The following KPNA4 variants were observed in gnomAD, a reference collection of about 807,000 sequenced individuals.
The protein encoded by KPNA4 is karyopherin subunit alpha 4.
In KPNA4, 13 loss-of-function variants were observed where a neutral mutation model predicts 71.3. That is an observed-to-expected ratio of 0.18 (90% confidence interval 0.12 to 0.29). KPNA4 has a LOEUF of 0.29. Ranked by LOEUF, KPNA4 falls within the 10% of genes least tolerant of loss-of-function variation. The pLI is 1.00. For synonymous variants in KPNA4, 189 were observed against 195.2 expected (o/e 0.97, Z 0.26); for missense variants, 334 against 603.2 (o/e 0.55, Z 4.67).
intron 1 of KPNA4, among the ~76,000 whole-genome samples, chr3:160,546,476 A>ACGCTG (rs1238536146): frequency 6.6e-6 from 1 of 152,106 alleles, no homozygotes; most frequent in African/African-American, 2.4e-5. Flanking sequence ...CGAGATCGCA[A>ACGCTG]CACTGCACTC....
Position 160,495,441 on chromosome 3 carries a change from T to C in KPNA4, c.*6663A>G, listed in dbSNP as rs2108538963. Reference sequence around the variant, plus strand: ...GGGTAAAAACTTTTTAGTATTCTTTTAGTACTTCTGTTTCTGAATTAGACC... The same window carrying C: ...GGGTAAAAACTTTTTAGTATTCTTTCAGTACTTCTGTTTCTGAATTAGACC... On this transcript the variant is annotated 3_prime_UTR_variant, in exon 17 of 17. Transcript: ENST00000334256. 6.6e-6 allele frequency: 1 copy of C among 152,268 alleles called. No individual in the cohort carries two copies. The highest frequency in any genetic ancestry group is 6.5e-5 in the Admixed American group (1 of 15,304). 9.4% of individuals were successfully genotyped at this position (152,268 alleles called of 1,614,324 possible). A position where few individuals can be genotyped will look rare whatever the true frequency, so the allele number is the denominator to read the frequency against.
At chr3:160,513,249 GTTTTTTTTT>G (rs946090860) in intron 13 of KPNA4, among the ~76,000 whole-genome samples, 1 of 80,626 alleles carries the variant, frequency 1.2e-5, no homozygotes. Flanking sequence ...CTACTTTGTG[GTTTTTTTTT>G]TTTTTTTTTT....
intron 1 of KPNA4, among the ~76,000 whole-genome samples, chr3:160,546,447 G>T (rs986381696): frequency 6.6e-6 from 1 of 152,092 alleles, no homozygotes; most frequent in Non-Finnish European, 1.5e-5. Flanking sequence ...GAACCCAGGC[G>T]GCCGAGGTTG....
intron 5 of KPNA4, among the ~76,000 whole-genome samples, chr3:160,532,142 G>A (rs1721588489): frequency 6.6e-6 from 1 of 152,192 alleles, no homozygotes; most frequent in Non-Finnish European, 1.5e-5. Flanking sequence ...GTAAAGTCCT[G>A]ATTGTGACTT....
Position 160,503,771 on chromosome 3 carries a change from G to A in KPNA4, c.1467+1187C>T, listed in dbSNP as rs181286969. 3.8e-4 allele frequency among the ~76,000 whole-genome samples: 58 copies of A among 152,214 alleles called. 1 individual carries two copies. The highest frequency in any genetic ancestry group is 1.3e-3 in the African/African-American group (53 of 41,544). ...TCAAAAATCCAACTTCAAGACATACGATCAAAGTTACTCTTAAAAGAATAT... is the reference window on the plus strand; with the variant it reads ...TCAAAAATCCAACTTCAAGACATACAATCAAAGTTACTCTTAAAAGAATAT... On this transcript the variant is annotated intron_variant, in intron 16 of 16. Transcript: ENST00000334256.
rs1720738419 is a variant in KPNA4 at position 160,495,478 on chromosome 3, A to G, written c.*6626T>C. The G allele has an allele frequency of 1.3e-5, 2 of 151,998 alleles. No homozygotes were observed. Among genetic ancestry groups the G allele is most frequent in the South Asian group, 2.1e-4 (1 of 4,820 alleles). The allele number at this position is 151,998 out of a possible 1,614,324, so 9.4% of individuals were successfully genotyped here. On this transcript the variant is annotated 3_prime_UTR_variant, in exon 17 of 17. Coordinates refer to ENST00000334256, the MANE Select transcript of KPNA4 (RefSeq NM_002268.5). ...TTCTGAATTAGACCGAACAGTCACC[A>G]TGTAGGTAACTTAGCTATCCTAGAT...
intron 15 of KPNA4, among the ~76,000 whole-genome samples, chr3:160,506,895 C>T (rs537264201): frequency 4.6e-5 from 7 of 152,276 alleles, no homozygotes; most frequent in African/African-American, 7.2e-5. Context: ...TTTCTTACTA[C>T]ATTAATTTTG....
chr3:160,561,277 T>C (rs1478746785), intron 1 of KPNA4, among the ~76,000 whole-genome samples: 2 of 152,042 alleles, frequency 1.3e-5, no homozygotes, highest in Non-Finnish European at 2.9e-5. Context: ...TACAAGAAAA[T>C]TCCCCTCTAC....
At chr3:160,517,905 T>G (rs1721260027) in intron 11 of KPNA4, among the ~76,000 whole-genome samples, 1 of 152,230 alleles carries the variant, frequency 6.6e-6, no homozygotes, top group Non-Finnish European at 1.5e-5. Flanking sequence ...TTCTCTTCTA[T>G]TCTATGGGTT....
chr3:160,530,761 A>C, intron 7 of KPNA4, 94 bp downstream of exon 7: 1 of 797,956 alleles, frequency 1.3e-6, no homozygotes, highest in Non-Finnish European at 2.1e-6. Flanking sequence ...ATTATTTTAT[A>C]ATTTAAATTG....
At position 160,565,567 on chromosome 3, in the gene KPNA4, G is replaced by A. The variant is rs151324228; in HGVS notation, c.-285C>T. ...CCGGCTGAGAGGGGGAGGCAGCCTC[G>A]ATCTGAGGGCCCCGGCGCTGCGGCC... On this transcript the variant is annotated 5_prime_UTR_variant, in exon 1 of 17. Coordinates refer to ENST00000334256, the MANE Select transcript of KPNA4 (RefSeq NM_002268.5). The A allele has an allele frequency of 3.5e-3, 1,819 of 516,912 alleles. 23 individuals are homozygous for A. The highest frequency in any genetic ancestry group is 0.032 in the African/African-American group (1,590 of 49,236). 32.0% of individuals were successfully genotyped at this position (516,912 alleles called of 1,614,324 possible). A position where few individuals can be genotyped will look rare whatever the true frequency, so the allele number is the denominator to read the frequency against.
chr3:160,540,328 T>C (rs1273865350), intron 1 of KPNA4, among the ~76,000 whole-genome samples: 1 of 152,192 alleles, frequency 6.6e-6, no homozygotes, highest in Non-Finnish European at 1.5e-5. Flanking sequence ...TTGATACTCA[T>C]TTGTTACAAC....
chr3:160,503,417 G>A (rs956473159), intron 16 of KPNA4, among the ~76,000 whole-genome samples: 2 of 152,098 alleles, frequency 1.3e-5, no homozygotes, highest in African/African-American at 4.8e-5. Flanking sequence ...TCAAGTGGTA[G>A]AAATAATTCA....
At position 160,496,492 on chromosome 3, in the gene KPNA4, T is replaced by C. The variant is rs1219737427; in HGVS notation, c.*5612A>G. ...AAAACAGGCTGGAGAAAATCTTGGG[T>C]AATATTAGAGTAACATAGTCTAGGA... On this transcript the variant is annotated 3_prime_UTR_variant, in exon 17 of 17. Coordinates refer to ENST00000334256, the MANE Select transcript of KPNA4 (RefSeq NM_002268.5). 1 of 152,142 alleles carries C rather than the reference T, an allele frequency of 6.6e-6. No homozygotes were observed. Among genetic ancestry groups the C allele is most frequent in the Non-Finnish European group, 1.5e-5 (1 of 68,028 alleles). The allele number at this position is 152,142 out of a possible 1,614,324, so 9.4% of individuals were successfully genotyped here.
Position 160,521,806 on chromosome 3 carries a change from C to A in KPNA4, c.876G>T (p.Leu292=). The change falls in exon 11 of 17, where the codon CTG becomes CTT. Residue 292 remains leucine (L), a synonymous_variant. Coordinates refer to ENST00000334256, the MANE Select transcript of KPNA4 (RefSeq NM_002268.5). ...DSGIVPHLVP[L]LSHQEVKVQT... ...GAACTTTAACTTCCTGGTGGCTGAGCAGAGGAACCAAATGAGGAACTATTC... is the reference window on the plus strand; with the variant it reads ...GAACTTTAACTTCCTGGTGGCTGAGAAGAGGAACCAAATGAGGAACTATTC... 1 of 1,612,044 alleles carries A rather than the reference C, an allele frequency of 6.2e-7. No homozygotes were observed. The highest frequency in any genetic ancestry group is 8.5e-7 in the Non-Finnish European group (1 of 1,179,834).
At chr3:160,515,421 T>G (rs1327037003) in intron 12 of KPNA4, 31 bp downstream of exon 12, 3 of 1,536,020 alleles carry the variant, frequency 2.0e-6, no homozygotes, top group Non-Finnish European at 2.7e-6. Flanking sequence ...TTTTAAGTGC[T>G]ATCTATTAAG....
intron 11 of KPNA4, among the ~76,000 whole-genome samples, chr3:160,517,559 T>C (rs1288125146): frequency 6.6e-6 from 1 of 152,094 alleles, no homozygotes; most frequent in Admixed American, 6.5e-5. Context: ...CCAAAGCGGC[T>C]GTACCATTTT....
At chr3:160,541,645 A>ACGCG (rs1553787446) in intron 1 of KPNA4, among the ~76,000 whole-genome samples, 7 of 124,140 alleles carry the variant, frequency 5.6e-5, no homozygotes, top group African/African-American at 2.0e-4. Context: ...AAAGTTATAT[A>ACGCG]CGCGCACACA....
intron 10 of KPNA4, among the ~76,000 whole-genome samples, chr3:160,525,271 A>G (rs1721435830): frequency 6.6e-6 from 1 of 152,232 alleles, no homozygotes; most frequent in Admixed American, 6.5e-5. Flanking sequence ...GAGAAATAGA[A>G]TAAAAATGGA....
Sources: gnomAD v4.1 joint callset for allele counts (sites outside exome capture counted in the v4.1 genomes callset) on GRCh38, gnomAD v4.1.1 for gene constraint, MANE v1.5 for transcripts, NCBI Gene and HGNC (gene_info 2026-07-23, HGNC 2026-07-21) for gene names.